The following GYG2 variants were observed in gnomAD, a reference collection of about 807,000 sequenced individuals.
GYG2 encodes the protein glycogenin 2, also known as glycogenin-2.
In GYG2, 29 loss-of-function variants were observed where a neutral mutation model predicts 29.4. That is an observed-to-expected ratio of 0.99 (90% CI 0.74 to 1.35). The LOEUF is 1.35. Ranked by LOEUF, GYG2 falls within the 40% of genes most tolerant of loss-of-function variation. GYG2 has a pLI of 0.00. For synonymous variants in GYG2, 167 were observed against 172.3 expected (o/e 0.97, Z 0.24); for missense variants, 370 against 385.7 (o/e 0.96, Z 0.34).
At chrX:2,865,497 A>G (rs1479569109) in intron 8 of GYG2, among the ~76,000 whole-genome samples, 1 of 111,557 alleles carries the variant, frequency 9.0e-6, no homozygotes, top group Non-Finnish European at 1.9e-5. Flanking sequence ...AACAATAGAT[A>G]TGTAGCTTCG....
At chrX:2,843,135 G>A (rs1406209410) in intron 2 of GYG2, 78 bp from the exon 3 acceptor site, 4 of 821,482 alleles carry the variant, frequency 4.9e-6, no homozygotes, top group Admixed American at 2.3e-5. Flanking sequence ...CTTGGGAGAG[G>A]AGAGGAGGTG....
chrX:2,877,882 C>T lies in GYG2; in HGVS notation c.1251+575C>T, dbSNP rs1048710049. On this transcript the variant is annotated intron_variant, in intron 10 of 10. Transcript: ENST00000398806. ...TTTGGTCTTTAAGTAACAATCAATA[C>T]AGCTCTAGAGCTAGGTTTAGGTCTA... 17 of 748,959 alleles carry T rather than the reference C, an allele frequency of 2.3e-5. No individual in the cohort carries two copies. The African/African-American group carries it at 3.5e-4, about 15-fold the overall frequency. The allele number at this position is 748,959 out of a possible 1,213,427, so 61.7% of individuals were successfully genotyped here. A position where few individuals can be genotyped will look rare whatever the true frequency, so the allele number is the denominator to read the frequency against.
intron 2 of GYG2, among the ~76,000 whole-genome samples, chrX:2,838,590 TTCTC>T (rs1440931746): frequency 4.5e-5 from 5 of 109,939 alleles, no homozygotes; most frequent in East Asian, 2.8e-4. Flanking sequence ...AAAACTTTTC[TTCTC>T]TCTATTTTTT....
chrX:2,843,721 C>T (rs1349635605), intron 3 of GYG2, among the ~76,000 whole-genome samples: 2 of 111,933 alleles, frequency 1.8e-5, no homozygotes, highest in Non-Finnish European at 3.8e-5. Context: ...CCTCTCCCTC[C>T]CAGGCTCAAG....
At chrX:2,862,613 A>C (rs1318990198) in intron 8 of GYG2, among the ~76,000 whole-genome samples, 1 of 111,867 alleles carries the variant, frequency 8.9e-6, no homozygotes, top group Non-Finnish European at 1.9e-5. Flanking sequence ...GTTGACCTGC[A>C]CAGTGGTGTC....
At chrX:2,865,087 G>T (rs2088267347) in intron 8 of GYG2, among the ~76,000 whole-genome samples, 1 of 111,373 alleles carries the variant, frequency 9.0e-6, no homozygotes, top group African/African-American at 3.3e-5. Context: ...AGTTTATTCT[G>T]AACCACAGTG....
chrX:2,859,766 C>T, intron 6 of GYG2, 77 bp from the exon 7 acceptor site: 1 of 610,833 alleles, frequency 1.6e-6, no homozygotes, highest in Non-Finnish European at 2.6e-6. Context: ...TGAGGAGCCC[C>T]ATGGTAGGTG....
rs2087955438 is a variant in GYG2, at chrX:2,855,171, C to T, written c.487+16C>T. The T allele has an allele frequency of 8.3e-7, 1 of 1,198,470 alleles. No homozygotes were observed. The highest frequency in any genetic ancestry group is 1.1e-6 in the Non-Finnish European group (1 of 885,445). On this transcript the variant is annotated intron_variant, in intron 5 of 10. Transcript: ENST00000398806. Reference sequence around the variant, plus strand: ...AGCTTTGACGGTAAGTCAGGGCAGCCCGGACGCTTAGGGTCTCTGTTGCAC... The same window carrying T: ...AGCTTTGACGGTAAGTCAGGGCAGCTCGGACGCTTAGGGTCTCTGTTGCAC...
rs779166628 is a variant in GYG2 at position 2,840,944 on chromosome X, GGATA to G, written c.8-2261_8-2258del. ...ATGGATGGATAGATGATAGGTAGATGGATAGATAGATGATGGATGGATGGATAGA... is the reference window on the plus strand; with the variant it reads ...ATGGATGGATAGATGATAGGTAGATGGATAGATGATGGATGGATGGATAGA... On this transcript the variant is annotated intron_variant, in intron 2 of 10. Transcript: ENST00000398806. 8.4e-4 allele frequency among the ~76,000 whole-genome samples: 93 copies of G among 110,287 alleles called. No individual in the cohort carries two copies. The South Asian group carries it at 0.01, about 12-fold the overall frequency.
intron 3 of GYG2, among the ~76,000 whole-genome samples, chrX:2,844,887 T>A (rs2087628361): frequency 9.4e-6 from 1 of 106,851 alleles, no homozygotes; most frequent in South Asian, 3.8e-4. Context: ...TACACATGTA[T>A]GTGTTTATAT....
At position 2,856,509 on chromosome X, in the gene GYG2, G is replaced by A. The variant is rs1444507227; in HGVS notation, c.499G>A (p.Gly167Ser). ...TGCTCATTATGTAGGGGCAGACCAA[G>A]GCTTACTGAATAGTTTCTTCAGGAA... Reference protein sequence around the residue: ...EHGSFDGADQGLLNSFFRNWS... With the variant: ...EHGSFDGADQSLLNSFFRNWS... The change falls in exon 6 of 11, where the codon GGC becomes AGC. Residue 167 changes from glycine to serine, a missense_variant. Coordinates refer to ENST00000398806, the MANE Select transcript of GYG2 (RefSeq NM_001079855.2). The A allele has an allele frequency of 8.3e-7, 1 of 1,209,689 alleles. No individual in the cohort carries two copies. The highest frequency in any genetic ancestry group is 1.7e-5 in the African/African-American group (1 of 57,659).
chrX:2,853,944 C>T, intron 3 of GYG2, 36 bp from the exon 4 acceptor site: 1 of 1,069,458 alleles, frequency 9.4e-7, no homozygotes. Context: ...TGAATATTCA[C>T]CCGCTGTCCC....
Position 2,834,831 on chromosome X carries a change from A to G in GYG2, c.7+4636A>G. 2.7e-5 allele frequency among the ~76,000 whole-genome samples: 3 copies of G among 111,979 alleles called. No homozygotes were observed. The South Asian group carries it at 1.1e-3, about 42-fold the overall frequency. ...GACTGGGATAAGCAGTGTCCCCCAT[A>G]AAACTCATGTCCCCCCAGAAGCTGT... On this transcript the variant is annotated intron_variant, in intron 2 of 10. Coordinates refer to ENST00000398806, the MANE Select transcript of GYG2 (RefSeq NM_001079855.2).
In GYG2 at chrX:2,882,214, G is replaced by C. The variant is rs1282410398; in HGVS notation, c.*1001G>C. ...AATATGCTGTGTATCTCACCAGGTA[G>C]CTGTCAGGGGCCACCGAGAGTGTCG... On this transcript the variant is annotated 3_prime_UTR_variant, in exon 11 of 11. Transcript: ENST00000398806. 7.5e-5 allele frequency: 8 copies of C among 107,232 alleles called. No homozygotes were observed. In the Admixed American group the frequency reaches 8.0e-4, roughly 11 times the overall value. 8.8% of individuals were successfully genotyped at this position (107,232 alleles called of 1,213,427 possible). A position where few individuals can be genotyped will look rare whatever the true frequency, so the allele number is the denominator to read the frequency against.
chrX:2,861,503 CGT>C lies in GYG2; in HGVS notation c.838-12_838-11del. On this transcript the variant is annotated splice_polypyrimidine_tract_variant and intron_variant, in intron 7 of 10. Transcript: ENST00000398806. ...GGAGACATAGGGAAGACTCACTCCACGTGTGTGTTTTTGTGCAGCTTTGCCAC... is the reference window on the plus strand; with the variant it reads ...GGAGACATAGGGAAGACTCACTCCACGTGTGTTTTTGTGCAGCTTTGCCAC... 2 of 1,174,451 alleles carry C rather than the reference CGT, an allele frequency of 1.7e-6. No individual in the cohort carries two copies. The highest frequency in any genetic ancestry group is 2.3e-6 in the Non-Finnish European group (2 of 863,247).
At chrX:2,844,453 T>C (rs2087575659) in intron 3 of GYG2, among the ~76,000 whole-genome samples, 2 of 110,701 alleles carry the variant, frequency 1.8e-5, no homozygotes, top group Non-Finnish European at 1.9e-5. Flanking sequence ...CAAATATATA[T>C]GTATATACAC....
chrX:2,860,483 A>C lies in GYG2; in HGVS notation c.837+418A>C, dbSNP rs138010115. Among the ~76,000 whole-genome samples, 48 of 110,499 alleles carry C rather than the reference A, an allele frequency of 4.3e-4. No homozygotes were observed. In the East Asian group the frequency reaches 0.011, roughly 24 times the overall value. On this transcript the variant is annotated intron_variant, in intron 7 of 10. Transcript: ENST00000398806. ...TTTTGATTGACACCAATTTGATTGC[A>C]AAGAATATAATGACAGCCCCTCGGT...
chrX:2,863,266 G>A (rs927102586), intron 8 of GYG2, among the ~76,000 whole-genome samples: 1 of 109,646 alleles, frequency 9.1e-6, no homozygotes, highest in Non-Finnish European at 1.9e-5. Context: ...AGTAGAGACG[G>A]GGTTTCACTG....
chrX:2,877,579 G>A, intron 10 of GYG2: 1 of 908,836 alleles, frequency 1.1e-6, no homozygotes, highest in Admixed American at 5.2e-5. Flanking sequence ...GATCAGGAGG[G>A]AAGTTGAGGG....
Sources: gnomAD v4.1 joint callset for allele counts (sites outside exome capture counted in the v4.1 genomes callset) on GRCh38, gnomAD v4.1.1 for gene constraint, MANE v1.5 for transcripts, NCBI Gene and HGNC (gene_info 2026-07-23, HGNC 2026-07-21) for gene names.